Variants in ITGB1 observed in about 807,000 individuals in gnomAD.
The protein encoded by ITGB1 is integrin beta-1.
A neutral mutation model predicts 86.5 loss-of-function variants in ITGB1; 24 were observed. The ratio of observed to expected loss-of-function variants is 0.28; its 90% CI spans 0.20 to 0.39. The LOEUF (loss-of-function observed/expected upper bound fraction) is 0.39. ITGB1 is among the 10% of genes least tolerant of loss of function. The pLI is 1.00. For synonymous variants in ITGB1, 323 were observed against 316.8 expected (o/e 1.02, Z -0.21); for missense variants, 556 against 946.9 (o/e 0.59, Z 5.42).
rs1361688293 is a variant in ITGB1 at position 32,901,408 on chromosome 10, T to C, written c.*162A>G. On this transcript the variant is annotated 3_prime_UTR_variant, in exon 16 of 16. Coordinates refer to ENST00000302278, the MANE Select transcript of ITGB1 (RefSeq NM_002211.4). The stretch of plus-strand genomic sequence containing the variant: ...TCAGTCCCTGGCATGAATTACAACA[T>C]TATTTTCAAAATAATAAAACATTTT... 2 of 517,142 alleles carry C rather than the reference T, an allele frequency of 3.9e-6. No individual in the cohort carries two copies. Among genetic ancestry groups the C allele is most frequent in the Admixed American group, 4.0e-5 (1 of 25,202 alleles). The allele number at this position is 517,142 out of a possible 1,614,324, so 32.0% of individuals were successfully genotyped here. A position where few individuals can be genotyped will look rare whatever the true frequency, so the allele number is the denominator to read the frequency against.
intron 1 of ITGB1, among the ~76,000 whole-genome samples, chr10:32,942,222 C>T (rs2095019977): frequency 6.6e-6 from 1 of 152,096 alleles, no homozygotes; most frequent in African/African-American, 2.4e-5. Context: ...AGACATGGTG[C>T]CTTTCTTCTA....
At chr10:32,956,494 G>A (rs2095052531) in intron 1 of ITGB1, among the ~76,000 whole-genome samples, 1 of 151,938 alleles carries the variant, frequency 6.6e-6, no homozygotes, top group Admixed American at 6.6e-5. Flanking sequence ...GACAGCTTGA[G>A]CCCAGGAGTT....
chr10:32,925,793 T>G (rs1021651674), intron 6 of ITGB1, 78 bp downstream of exon 6: 3 of 902,180 alleles, frequency 3.3e-6, no homozygotes, highest in African/African-American at 1.7e-5. Flanking sequence ...AATTTTTCTA[T>G]TATCATAGTA....
chr10:32,930,103 A>T, intron 3 of ITGB1, 59 bp from the exon 4 acceptor site: 4 of 775,304 alleles, frequency 5.2e-6, no homozygotes, highest in Non-Finnish European at 9.0e-6. Context: ...ACCTTTTTAC[A>T]TAATAATTGC....
At chr10:32,930,371 T>C (rs896824403) in intron 3 of ITGB1, among the ~76,000 whole-genome samples, 1 of 152,186 alleles carries the variant, frequency 6.6e-6, no homozygotes, top group East Asian at 1.9e-4. Context: ...CTACTAATAA[T>C]GTATACATAC....
At chr10:32,930,146 A>G in intron 3 of ITGB1, 102 bp from the exon 4 acceptor site, 1 of 654,604 alleles carries the variant, frequency 1.5e-6, no homozygotes, top group Non-Finnish European at 2.7e-6. Context: ...ACATCAAATC[A>G]CATCTAATGT....
chr10:32,952,917 C>G (rs1390724582), intron 1 of ITGB1, among the ~76,000 whole-genome samples: 1 of 152,154 alleles, frequency 6.6e-6, no homozygotes, highest in Non-Finnish European at 1.5e-5. Context: ...TCTATTGTAA[C>G]TAATTGTATT....
intron 15 of ITGB1, among the ~76,000 whole-genome samples, chr10:32,904,543 T>C (rs954290549): frequency 3.3e-5 from 5 of 152,346 alleles, no homozygotes; most frequent in South Asian, 2.1e-4. Context: ...ATGTTCTTCT[T>C]AATGTTCCTA....
chr10:32,939,412 C>T (rs868531313), intron 1 of ITGB1, among the ~76,000 whole-genome samples: 1 of 152,162 alleles, frequency 6.6e-6, no homozygotes, highest in Admixed American at 6.5e-5. Context: ...CTGAGAAATG[C>T]GAAGGCAATC....
At chr10:32,929,048 C>T (rs1338020325) in intron 4 of ITGB1, among the ~76,000 whole-genome samples, 1 of 151,898 alleles carries the variant, frequency 6.6e-6, no homozygotes, top group African/African-American at 2.4e-5. Context: ...GGAAAACTGA[C>T]ATTTAGGTGG....
chr10:32,916,696 T>G (rs1012879288), intron 11 of ITGB1, among the ~76,000 whole-genome samples: 4 of 152,048 alleles, frequency 2.6e-5, no homozygotes, highest in South Asian at 4.2e-4. Flanking sequence ...AAAAGAGGAC[T>G]CAAACAAATG....
chr10:32,956,262 C>A (rs1173292123), intron 1 of ITGB1, among the ~76,000 whole-genome samples: 3 of 152,142 alleles, frequency 2.0e-5, no homozygotes, highest in African/African-American at 2.4e-5. Flanking sequence ...GAACAGGTAA[C>A]TGCCAACTGA....
rs747440179 is a variant in ITGB1, at chr10:32,932,617, AG to A, written c.68-18del. On this transcript the variant is annotated intron_variant, in intron 2 of 15. Transcript: ENST00000302278. ...TATTTTCATCTGTCAGAAAGAAGAAAGAACAGAACATTTTATGTGAAGTGTC... is the reference window on the plus strand; with the variant it reads ...TATTTTCATCTGTCAGAAAGAAGAAAAACAGAACATTTTATGTGAAGTGTC... 7.2e-7 allele frequency: 1 copy of A among 1,386,974 alleles called. No individual in the cohort carries two copies. The highest frequency in any genetic ancestry group is 1.4e-5 in the African/African-American group (1 of 70,478). 85.9% of individuals were successfully genotyped at this position (1,386,974 alleles called of 1,614,324 possible).
Position 32,953,998 on chromosome 10 carries a change from C to G in ITGB1, c.-1+4147G>C, listed in dbSNP as rs543707042. 2.0e-4 allele frequency among the ~76,000 whole-genome samples: 31 copies of G among 152,246 alleles called. 1 individual carries two copies. In the South Asian group the frequency reaches 6.0e-3, roughly 30 times the overall value. On this transcript the variant is annotated intron_variant, in intron 1 of 15. Coordinates refer to ENST00000302278, the MANE Select transcript of ITGB1 (RefSeq NM_002211.4). ...TTCTAGATTCCTCTTCCTCCACCCCCCCTTGACTATTAAAAGTGTTCCCAG... is the reference window on the plus strand; with the variant it reads ...TTCTAGATTCCTCTTCCTCCACCCCGCCTTGACTATTAAAAGTGTTCCCAG...
chr10:32,933,142 C>T (rs573421517), intron 2 of ITGB1, among the ~76,000 whole-genome samples: 4 of 146,090 alleles, frequency 2.7e-5, no homozygotes, highest in Admixed American at 6.8e-5. Flanking sequence ...TCCCACAAAC[C>T]GGTGAGAACA....
chr10:32,939,721 T>TG (rs1565831221), intron 1 of ITGB1, among the ~76,000 whole-genome samples: 8 of 87,882 alleles, frequency 9.1e-5, no homozygotes, highest in African/African-American at 3.3e-4. Context: ...GCTGGGTGGG[T>TG]AAGTGAGTGA....
chr10:32,930,713 C>T (rs969565634), intron 3 of ITGB1, among the ~76,000 whole-genome samples: 1 of 151,872 alleles, frequency 6.6e-6, no homozygotes, highest in Admixed American at 6.6e-5. Flanking sequence ...GTAAAAGGTC[C>T]TAATGGCAGG....
At chr10:32,935,667 G>T in intron 1 of ITGB1, 109 bp from the exon 2 acceptor site, 1 of 779,236 alleles carries the variant, frequency 1.3e-6, no homozygotes. Context: ...TAAACATGAT[G>T]GCTCTCAAAC....
chr10:32,903,548 G>A (rs575437648), intron 15 of ITGB1, among the ~76,000 whole-genome samples: 1 of 151,984 alleles, frequency 6.6e-6, no homozygotes, highest in African/African-American at 2.4e-5. Context: ...ATAAACCACT[G>A]TGATTTCAGC....
Sources: gnomAD v4.1 joint callset for allele counts (sites outside exome capture counted in the v4.1 genomes callset) on GRCh38, gnomAD v4.1.1 for gene constraint, MANE v1.5 for transcripts, NCBI Gene and HGNC (gene_info 2026-07-23, HGNC 2026-07-21) for gene names.